The following ARB2A variants were observed in gnomAD, a reference collection of about 807,000 sequenced individuals.
ARB2A encodes the protein ARB2 cotranscriptional regulator A.
At chr5:93,870,915 C>A in the ARB2A span, among the ~76,000 whole-genome samples, 4 of 152,324 alleles carry the variant, frequency 2.6e-5, no homozygotes, top group African/African-American at 9.6e-5. Context: ...GGAGGAAAAG[C>A]AGTTGTGCAC....
chr5:94,067,711 T>C, the ARB2A span, among the ~76,000 whole-genome samples: 2 of 152,150 alleles, frequency 1.3e-5, no homozygotes, highest in Non-Finnish European at 2.9e-5. Flanking sequence ...TCCATGCTCA[T>C]AGACTGGAAT....
the ARB2A span, chr5:93,964,384 T>C: frequency 5.2e-6 from 6 of 1,144,724 alleles, no homozygotes; most frequent in South Asian, 7.2e-5. Flanking sequence ...AAAGTTTTCT[T>C]CTGAATTAAA....
the ARB2A span, among the ~76,000 whole-genome samples, chr5:93,892,565 T>C: frequency 6.6e-6 from 1 of 152,130 alleles, no homozygotes; most frequent in Non-Finnish European, 1.5e-5. Flanking sequence ...ACATGCCAAT[T>C]AGAAGTTCTA....
the ARB2A span, among the ~76,000 whole-genome samples, chr5:93,949,372 C>A: frequency 3.4e-3 from 513 of 151,960 alleles, 3 homozygotes; most frequent in African/African-American, 0.012. Context: ...ACCATCCTGG[C>A]CAACACGGTG....
chr5:93,875,286 C>G, the ARB2A span, among the ~76,000 whole-genome samples: 1 of 151,980 alleles, frequency 6.6e-6, no homozygotes, highest in Non-Finnish European at 1.5e-5. Flanking sequence ...GGGTGGAGCA[C>G]AGTGGCGTGA....
chr5:93,777,701 C>T, the ARB2A span, among the ~76,000 whole-genome samples: 15 of 152,058 alleles, frequency 9.9e-5, no homozygotes, highest in Non-Finnish European at 1.5e-5. Context: ...GGTTGTGCAC[C>T]ATGGAATCCG....
the ARB2A span, among the ~76,000 whole-genome samples, chr5:93,983,897 T>C: frequency 1.3e-5 from 2 of 152,090 alleles, no homozygotes; most frequent in Non-Finnish European, 2.9e-5. Context: ...TCAAAAAATG[T>C]CAAGGTCAAG....
At chr5:93,849,581 AT>A in the ARB2A span, among the ~76,000 whole-genome samples, 2 of 152,124 alleles carry the variant, frequency 1.3e-5, no homozygotes, top group Non-Finnish European at 2.9e-5. Context: ...AATTTTCTTT[AT>A]AAATCTGAGT....
the ARB2A span, among the ~76,000 whole-genome samples, chr5:93,621,347 G>C: frequency 6.6e-6 from 1 of 152,006 alleles, no homozygotes; most frequent in South Asian, 2.1e-4. Context: ...GGCACAACTA[G>C]GGCTGCGGGG....
At chr5:93,902,602 T>C in the ARB2A span, among the ~76,000 whole-genome samples, 1 of 152,126 alleles carries the variant, frequency 6.6e-6, no homozygotes. Flanking sequence ...AATCTAAATA[T>C]ATTCTGCAAA....
At chr5:94,023,475 G>A in the ARB2A span, among the ~76,000 whole-genome samples, 1 of 152,188 alleles carries the variant, frequency 6.6e-6, no homozygotes, top group Non-Finnish European at 1.5e-5. Context: ...GAACAATATT[G>A]TGTATTCAAA....
chr5:93,817,184 G>GTCTCTA, the ARB2A span, among the ~76,000 whole-genome samples: 1 of 151,868 alleles, frequency 6.6e-6, no homozygotes, highest in African/African-American at 2.4e-5. Context: ...AATAAATCAT[G>GTCTCTA]TCTCTATCTA....
At chr5:93,976,812 C>A in the ARB2A span, among the ~76,000 whole-genome samples, 2 of 152,092 alleles carry the variant, frequency 1.3e-5, no homozygotes, top group Non-Finnish European at 2.9e-5. Flanking sequence ...GAGAAAGTCA[C>A]ATTATCTCTT....
At chr5:93,798,386 T>C in the ARB2A span, among the ~76,000 whole-genome samples, 1 of 152,110 alleles carries the variant, frequency 6.6e-6, no homozygotes, top group Admixed American at 6.6e-5. Context: ...ATTAAATGTT[T>C]CTAGAAGGTA....
the ARB2A span, among the ~76,000 whole-genome samples, chr5:93,762,785 T>A: frequency 6.6e-6 from 1 of 152,132 alleles, no homozygotes; most frequent in African/African-American, 2.4e-5. Flanking sequence ...GAAAAAATGT[T>A]AAGAGCAGCC....
At chr5:93,964,256 T>C in the ARB2A span, among the ~76,000 whole-genome samples, 1 of 151,936 alleles carries the variant, frequency 6.6e-6, no homozygotes, top group Non-Finnish European at 1.5e-5. Flanking sequence ...TACTGAAGAG[T>C]ATTCTTTATA....
the ARB2A span, among the ~76,000 whole-genome samples, chr5:94,101,629 C>T: frequency 2.0e-5 from 3 of 152,114 alleles, no homozygotes; most frequent in African/African-American, 7.2e-5. Flanking sequence ...GAGATAATGT[C>T]TTCTGCGGGA....
At chr5:93,951,255 G>A in the ARB2A span, among the ~76,000 whole-genome samples, 1 of 152,008 alleles carries the variant, frequency 6.6e-6, no homozygotes, top group Non-Finnish European at 1.5e-5. Flanking sequence ...TGGATAGTTT[G>A]CAAATATTAT....
the ARB2A span, among the ~76,000 whole-genome samples, chr5:93,950,653 C>CA: frequency 1.4e-5 from 2 of 148,020 alleles, no homozygotes; most frequent in African/African-American, 5.0e-5. Flanking sequence ...AAAAATAAAA[C>CA]AAATAAAATA....
Sources: gnomAD v4.1 joint callset for allele counts (sites outside exome capture counted in the v4.1 genomes callset) on GRCh38, gnomAD v4.1.1 for gene constraint, MANE v1.5 for transcripts, NCBI Gene and HGNC (gene_info 2026-07-23, HGNC 2026-07-21) for gene names.